Variants in CLCN4 observed in about 807,000 individuals in gnomAD.
CLCN4 encodes the protein Cl-/H+ antiporter 4, also known as H(+)/Cl(-) exchange transporter 4.
Under a neutral mutation model 41.7 loss-of-function variants are expected in CLCN4, and 1 was observed. That is an observed-to-expected ratio of 0.02 (90% CI 0.01 to 0.11). The LOEUF (loss-of-function observed/expected upper bound fraction) is 0.11. CLCN4 is among the 10% of genes least tolerant of loss of function. The probability of loss-of-function intolerance (pLI) is 1.00; values close to 1 mark genes in which losing one functional copy is unlikely to be tolerated. For synonymous variants in CLCN4, 277 were observed against 285.8 expected (o/e 0.97, Z 0.31); for missense variants, 287 against 661.0 (o/e 0.43, Z 6.20).
intron 12 of CLCN4, among the ~76,000 whole-genome samples, chrX:10,221,610 A>G (rs1380247109): frequency 8.9e-6 from 1 of 112,584 alleles, no homozygotes; most frequent in African/African-American, 3.2e-5. Flanking sequence ...GGATTGCACC[A>G]CTGCACTCCA....
chrX:10,209,829 C>CTTT (rs58207034), intron 9 of CLCN4, among the ~76,000 whole-genome samples: 1 of 97,639 alleles, frequency 1.0e-5, no homozygotes. Flanking sequence ...GTTATTATAG[C>CTTT]TTTTTTTTTT....
At chrX:10,207,383 A>G (rs1409095331) in intron 8 of CLCN4, among the ~76,000 whole-genome samples, 1 of 112,280 alleles carries the variant, frequency 8.9e-6, no homozygotes, top group Non-Finnish European at 1.9e-5. Flanking sequence ...GTTTCTGTAA[A>G]AGGCCAGGTA....
At chrX:10,169,512 C>CA (rs200777610) in intron 2 of CLCN4, among the ~76,000 whole-genome samples, 9 of 110,927 alleles carry the variant, frequency 8.1e-5, no homozygotes, top group Middle Eastern at 4.7e-3. Context: ...AACAAACAAA[C>CA]AAACAAACAA....
In CLCN4 at chrX:10,208,309, G is replaced by C; in HGVS notation, c.1108G>C (p.Val370Leu). 8.3e-7 allele frequency: 1 copy of C among 1,211,174 alleles called. No individual in the cohort carries two copies. Among genetic ancestry groups the C allele is most frequent in the Non-Finnish European group, 1.1e-6 (1 of 895,417 alleles). The change falls in exon 9 of 13, where the codon GTG becomes CTG. Residue 370 changes from valine to leucine, a missense_variant. Coordinates refer to ENST00000380833, the MANE Select transcript of CLCN4 (RefSeq NM_001830.4). ...RKTTRLGKYP[V>L]LEVIVVTAIT... is the part of the protein sequence containing the mutation. Reference sequence around the variant, plus strand: ...GACCACCAGGCTGGGGAAGTACCCGGTGCTGGAGGTCATTGTGGTGACTGC... The same window carrying C: ...GACCACCAGGCTGGGGAAGTACCCGCTGCTGGAGGTCATTGTGGTGACTGC...
chrX:10,203,157 C>T (rs765787652), intron 6 of CLCN4, among the ~76,000 whole-genome samples: 1 of 112,363 alleles, frequency 8.9e-6, no homozygotes, highest in Admixed American at 9.5e-5. Flanking sequence ...TTGTAATTTT[C>T]TAAATGGTAT....
In CLCN4 at chrX:10,162,318, C is replaced by T. The variant is rs1176367315; in HGVS notation, c.-12+3767C>T. The stretch of plus-strand genomic sequence containing the variant: ...ACAGGCATGAGCCACCACGCCTGGC[C>T]GCAGTTGAGTCTTGAGATGCTTGCA... On this transcript the variant is annotated intron_variant, in intron 2 of 12. Coordinates refer to ENST00000380833, the MANE Select transcript of CLCN4 (RefSeq NM_001830.4). 4.5e-5 allele frequency among the ~76,000 whole-genome samples: 5 copies of T among 111,356 alleles called. No homozygotes were observed. In the Admixed American group the frequency reaches 4.8e-4, roughly 11 times the overall value.
intron 2 of CLCN4, among the ~76,000 whole-genome samples, chrX:10,174,989 G>C (rs969445236): frequency 3.6e-5 from 4 of 112,519 alleles, no homozygotes; most frequent in African/African-American, 1.3e-4. Context: ...ATCACACAGA[G>C]TGTTTGGATG....
intron 2 of CLCN4, among the ~76,000 whole-genome samples, chrX:10,165,813 C>A (rs1403487701): frequency 8.9e-6 from 1 of 112,068 alleles, no homozygotes; most frequent in Non-Finnish European, 1.9e-5. Context: ...ACGCATCACA[C>A]CAGCTCGCCT....
At chrX:10,209,839 T>G in intron 9 of CLCN4, among the ~76,000 whole-genome samples, 1 of 111,094 alleles carries the variant, frequency 9.0e-6, no homozygotes, top group African/African-American at 3.3e-5. Flanking sequence ...CTTTTTTTTT[T>G]TTTTTGAAAT....
intron 2 of CLCN4, among the ~76,000 whole-genome samples, chrX:10,172,481 G>T (rs1328036211): frequency 9.0e-6 from 1 of 111,662 alleles, no homozygotes; most frequent in African/African-American, 3.3e-5. Context: ...ATTGGATGGG[G>T]ACAACAGAGC....
At chrX:10,233,163 C>T (rs765903645) in intron 12 of CLCN4, among the ~76,000 whole-genome samples, 3 of 112,488 alleles carry the variant, frequency 2.7e-5, no homozygotes, top group Non-Finnish European at 3.8e-5. Flanking sequence ...GTTACATCCA[C>T]TGTGGATTGC....
At chrX:10,169,197 A>G (rs968027651) in intron 2 of CLCN4, among the ~76,000 whole-genome samples, 7 of 111,891 alleles carry the variant, frequency 6.3e-5, no homozygotes, top group Admixed American at 5.7e-4. Context: ...TGGTCAGTGT[A>G]TCTACATTTA....
At chrX:10,214,990 C>A (rs765711573) in intron 11 of CLCN4, among the ~76,000 whole-genome samples, 221 of 112,065 alleles carry the variant, frequency 2.0e-3, no homozygotes, top group Non-Finnish European at 3.4e-3. Flanking sequence ...CTCAAGGTGG[C>A]AGGGGCAAGG....
In CLCN4 at chrX:10,208,382, C is replaced by G. The variant is rs769245455; in HGVS notation, c.1181C>G (p.Thr394Ser). 27 of 1,208,967 alleles carry G rather than the reference C, an allele frequency of 2.2e-5. No homozygotes were observed. Among genetic ancestry groups the G allele is most frequent in the Non-Finnish European group, 2.8e-5 (25 of 894,916 alleles). Reference sequence around the variant, plus strand: ...CCCAATCCCTACACACGCCAGAGCACCAGCGAGCTCATTTCTGAGCTGTTC... The same window carrying G: ...CCCAATCCCTACACACGCCAGAGCAGCAGCGAGCTCATTTCTGAGCTGTTC... ...AYPNPYTRQS[T>S]SELISELFND... Residue 394 changes from threonine to serine, a missense_variant, in exon 9 of 13, where the codon ACC (threonine) becomes AGC (serine). Thr to Ser is a moderately conservative substitution (Grantham distance 58). Around this residue, in one of 6 missense-constraint regions of CLCN4, gnomAD observed 94 missense variants for 177.9 expected, o/e 0.53. Transcript: ENST00000380833.
chrX:10,191,986 A>G (rs1195826823), intron 4 of CLCN4, among the ~76,000 whole-genome samples: 1 of 111,261 alleles, frequency 9.0e-6, no homozygotes, highest in African/African-American at 3.3e-5. Context: ...GTACATGTTC[A>G]GTAACTATCC....
Position 10,185,584 on chromosome X carries a change from G to A in CLCN4, c.144+408G>A, listed in dbSNP as rs189501558. ...AATGGTTATCTGTCAAGTGCTGTGGGATCATTTAGGTTCGGTTAGGGAAGG... is the reference window on the plus strand; with the variant it reads ...AATGGTTATCTGTCAAGTGCTGTGGAATCATTTAGGTTCGGTTAGGGAAGG... On this transcript the variant is annotated intron_variant, in intron 3 of 12. Transcript: ENST00000380833. 1.6e-3 allele frequency among the ~76,000 whole-genome samples: 184 copies of A among 112,296 alleles called. 1 individual carries two copies. Among genetic ancestry groups the A allele is most frequent in the African/African-American group, 5.7e-3 (176 of 30,869 alleles).
chrX:10,157,177 T>A, intron 1 of CLCN4, 77 bp downstream of exon 1: 1 of 288,488 alleles, frequency 3.5e-6, no homozygotes, highest in Non-Finnish European at 6.1e-6. Flanking sequence ...TGTTGATTTT[T>A]AAAATCTGGT....
At chrX:10,213,544 T>G in intron 10 of CLCN4, 137 bp from the exon 11 acceptor site, 1 of 584,845 alleles carries the variant, frequency 1.7e-6, no homozygotes, top group African/African-American at 2.3e-5. Context: ...AGAGGCCCAG[T>G]GTAGGAAGCA....
At chrX:10,204,537 A>G (rs1176626117) in intron 6 of CLCN4, among the ~76,000 whole-genome samples, 1 of 109,864 alleles carries the variant, frequency 9.1e-6, no homozygotes, top group Non-Finnish European at 1.9e-5. Flanking sequence ...CCTATAAAAG[A>G]AAGAGAGTCA....
Sources: gnomAD v4.1 joint callset for allele counts (sites outside exome capture counted in the v4.1 genomes callset) on GRCh38, gnomAD v4.1.1 for gene constraint, gnomAD v4.1.1 regional missense constraint, MANE v1.5 for transcripts, NCBI Gene and HGNC (gene_info 2026-07-23, HGNC 2026-07-21) for gene names.